Variants in TTC22 observed in about 807,000 individuals in gnomAD.
TTC22 encodes the protein tetratricopeptide repeat protein 22.
Under a neutral mutation model 48.2 loss-of-function variants are expected in TTC22, and 42 were observed. That is an observed-to-expected ratio of 0.87 (90% CI 0.68 to 1.13). The LOEUF (loss-of-function observed/expected upper bound fraction) is 1.13. Ranked by LOEUF, TTC22 falls within the 50% of genes most tolerant of loss-of-function variation. The pLI is 0.00. For missense variants in TTC22, 784 were observed against 807.0 expected, an observed-to-expected ratio of 0.97 and a Z score of 0.34; for synonymous variants, 345 against 365.5, an observed-to-expected ratio of 0.94 and a Z score of 0.64.
chr1:54,784,608 T>C (rs1646286264), intron 5 of TTC22: 1 of 1,075,388 alleles, frequency 9.3e-7, no homozygotes. Context: ...TTATGGTTAA[T>C]GTCATTATTA....
rs114771841 is a variant in TTC22, at chr1:54,797,519, G to A, written c.567+3078C>T. On this transcript the variant is annotated intron_variant, in intron 1 of 6. Transcript: ENST00000371276. ...AAAAATTAGCCAGGCACGATGACAG[G>A]TGCCTGTAATCCCAGCTACTTGGGA... Among the ~76,000 whole-genome samples, 633 of 152,278 alleles carry A rather than the reference G, an allele frequency of 4.2e-3. 2 individuals carry two copies. The highest frequency in any genetic ancestry group is 0.015 in the African/African-American group (608 of 41,534).
chr1:54,787,986 G>A (rs150509803), intron 2 of TTC22, 56 bp downstream of exon 2: 149 of 1,572,254 alleles, frequency 9.5e-5, no homozygotes, highest in Non-Finnish European at 1.2e-4. Context: ...CTGGCTGGGT[G>A]CCAGGCCACA....
chr1:54,788,092 C>A lies in TTC22; in HGVS notation c.573G>T (p.Pro191=). Residue 191 remains proline (P), a synonymous_variant, in exon 2 of 7, where the codon CCG becomes CCT. Coordinates refer to ENST00000371276, the MANE Select transcript of TTC22 (RefSeq NM_001114108.2). ...DKALGYGQQI[P]MEEKRGWYFT... ...AATACCAGCCCCTTTTCTCCTCCAT[C>A]GGGATCTAGGGAAACAGAGAACAGC... 1 of 1,614,016 alleles carries A rather than the reference C, an allele frequency of 6.2e-7. No homozygotes were observed. Among genetic ancestry groups the A allele is most frequent in the Non-Finnish European group, 8.5e-7 (1 of 1,179,930 alleles).
At chr1:54,794,664 G>A in intron 1 of TTC22, 1 of 152,164 alleles carries the variant, frequency 6.6e-6, no homozygotes, top group Non-Finnish European at 1.5e-5. Context: ...GTGTCACTGG[G>A]CTCCTCAGTG....
At chr1:54,783,863 G>A (rs980729674) in intron 5 of TTC22, among the ~76,000 whole-genome samples, 19 of 152,140 alleles carry the variant, frequency 1.2e-4, no homozygotes, top group African/African-American at 4.6e-4. Flanking sequence ...CTGGGCGGGT[G>A]TTGTGGTGCA....
rs1186697783 is a variant in TTC22, at chr1:54,781,572, G to A, written c.1381C>T (p.Leu461=). Residue 461 remains leucine (L), a synonymous_variant, in exon 7 of 7, where the codon CTG becomes TTG. Coordinates refer to ENST00000371276, the MANE Select transcript of TTC22 (RefSeq NM_001114108.2). ...GTGTGGCTGGAGCCCGCGTCGTCCA[G>A]CTCCACTGCGCGCTTGAAGCAGGCG... ...AAACFKRAVE[L]DDAGSSHTDG... 3 of 1,523,228 alleles carry A rather than the reference G, an allele frequency of 2.0e-6. No homozygotes were observed. Among genetic ancestry groups the A allele is most frequent in the Non-Finnish European group, 2.6e-6 (3 of 1,142,028 alleles). The allele number at this position is 1,523,228 out of a possible 1,614,324, so 94.4% of individuals were successfully genotyped here. A position where few individuals can be genotyped will look rare whatever the true frequency, so the allele number is the denominator to read the frequency against.
chr1:54,787,366 C>T (rs910056499), intron 3 of TTC22: 5 of 560,990 alleles, frequency 8.9e-6, no homozygotes, highest in African/African-American at 7.6e-5. Flanking sequence ...TGGTTCTAGT[C>T]CCTGCTCTTG....
intron 1 of TTC22, chr1:54,793,190 G>A (rs1391720387): frequency 2.0e-5 from 3 of 152,194 alleles, no homozygotes; most frequent in African/African-American, 4.8e-5. Context: ...TGCTAGAGGA[G>A]CTTACATTAG....
chr1:54,783,609 G>C (rs1338637228), intron 5 of TTC22, among the ~76,000 whole-genome samples: 2 of 152,176 alleles, frequency 1.3e-5, no homozygotes, highest in African/African-American at 4.8e-5. Flanking sequence ...TTGGGGGAGA[G>C]AGAAAATAAA....
intron 1 of TTC22, among the ~76,000 whole-genome samples, chr1:54,795,789 T>C (rs1469378325): frequency 6.6e-6 from 1 of 152,204 alleles, no homozygotes; most frequent in Non-Finnish European, 1.5e-5. Flanking sequence ...GCTCTCAAAC[T>C]TCCCAGCTAA....
At chr1:54,798,689 G>A (rs970401588) in intron 1 of TTC22, among the ~76,000 whole-genome samples, 6 of 152,218 alleles carry the variant, frequency 3.9e-5, no homozygotes, top group Non-Finnish European at 7.3e-5. Context: ...CTTAGAGGCA[G>A]GGACTTCTTA....
At chr1:54,797,772 T>G (rs532993971) in intron 1 of TTC22, among the ~76,000 whole-genome samples, 1 of 152,250 alleles carries the variant, frequency 6.6e-6, no homozygotes, top group African/African-American at 2.4e-5. Flanking sequence ...TCTTTTATAA[T>G]TTATTATTAT....
At position 54,781,525 on chromosome 1, in the gene TTC22, G is replaced by A. The variant is rs1016920903; in HGVS notation, c.1428C>T (p.Leu476=). 4 of 1,513,100 alleles carry A rather than the reference G, an allele frequency of 2.6e-6. No individual in the cohort carries two copies. Among genetic ancestry groups the A allele is most frequent in the Non-Finnish European group, 2.6e-6 (3 of 1,138,244 alleles). The allele number at this position is 1,513,100 out of a possible 1,614,324, so 93.7% of individuals were successfully genotyped here. A position where few individuals can be genotyped will look rare whatever the true frequency, so the allele number is the denominator to read the frequency against. The part of the protein sequence containing the change: ...SSHTDGFGCL[L]EALLAQWSQA... ...GGCTCCACTGCGCCAGCAGCGCCTCGAGCAGGCAGCCGAAGCCGTCGGTGT... is the reference window on the plus strand; with the variant it reads ...GGCTCCACTGCGCCAGCAGCGCCTCAAGCAGGCAGCCGAAGCCGTCGGTGT... Residue 476 remains leucine (L), a synonymous_variant, in exon 7 of 7, where the codon CTC becomes CTT. Coordinates refer to ENST00000371276, the MANE Select transcript of TTC22 (RefSeq NM_001114108.2).
At chr1:54,793,001 G>GGGA (rs1646364521) in intron 1 of TTC22, 1 of 152,286 alleles carries the variant, frequency 6.6e-6, no homozygotes, top group South Asian at 2.1e-4. Flanking sequence ...GAGGCAGCCT[G>GGGA]GGAGGAGGCT....
At chr1:54,784,836 G>C (rs778485777) in intron 5 of TTC22, 1 of 1,296,214 alleles carries the variant, frequency 7.7e-7, no homozygotes, top group South Asian at 1.3e-5. Context: ...CATGGGCTCT[G>C]TGTGGGCTCT....
At chr1:54,788,277 G>A (rs1432368967) in intron 1 of TTC22, among the ~76,000 whole-genome samples, 180 bp from the exon 2 acceptor site, 1 of 152,158 alleles carries the variant, frequency 6.6e-6, no homozygotes, top group East Asian at 1.9e-4. Context: ...CCTTGGGCAA[G>A]TCACTTCACT....
chr1:54,789,591 G>A (rs1054467968), intron 1 of TTC22, among the ~76,000 whole-genome samples: 1 of 152,214 alleles, frequency 6.6e-6, no homozygotes, highest in Non-Finnish European at 1.5e-5. Context: ...CCACCCAAAA[G>A]GGGCCCCACT....
chr1:54,791,057 G>A (rs1049160737), intron 1 of TTC22, among the ~76,000 whole-genome samples: 1 of 152,052 alleles, frequency 6.6e-6, no homozygotes, highest in African/African-American at 2.4e-5. Context: ...ATGGGGTTTC[G>A]CTATGTTGGC....
rs1298153794 is a variant in TTC22, at chr1:54,780,431, T to G, written c.*812A>C. On this transcript the variant is annotated 3_prime_UTR_variant, in exon 7 of 7. Coordinates refer to ENST00000371276, the MANE Select transcript of TTC22 (RefSeq NM_001114108.2). The stretch of plus-strand genomic sequence containing the variant: ...TGAACCCAGGAGATGGAGGTTGCAG[T>G]GGGCCAAGATCGTGCCATTGCACTC... 2.3e-5 allele frequency: 3 copies of G among 132,378 alleles called. No individual in the cohort carries two copies. Among genetic ancestry groups the G allele is most frequent in the African/African-American group, 5.8e-5 (2 of 34,218 alleles). 8.2% of individuals were successfully genotyped at this position (132,378 alleles called of 1,614,324 possible).
Sources: gnomAD v4.1 joint callset for allele counts (sites outside exome capture counted in the v4.1 genomes callset) on GRCh38, gnomAD v4.1.1 for gene constraint, MANE v1.5 for transcripts, NCBI Gene and HGNC (gene_info 2026-07-23, HGNC 2026-07-21) for gene names.